Variants in CDH13 observed in about 807,000 individuals in gnomAD.
CDH13 encodes the protein cadherin-13.
A neutral mutation model predicts 63.8 loss-of-function variants in CDH13; 24 were observed. The ratio of observed to expected loss-of-function variants is 0.38; its 90% CI spans 0.27 to 0.53. CDH13 has a LOEUF of 0.53. Among genes scored for constraint, CDH13 ranks in the 20% least tolerant of loss-of-function variants. The pLI, the probability that CDH13 is intolerant of heterozygous loss-of-function variation, is 0.85. For synonymous variants in CDH13, 503 were observed against 355.3 expected (o/e 1.42, Z -4.67); for missense variants, 1,049 against 903.1 (o/e 1.16, Z -2.07).
intron 2 of CDH13, among the ~76,000 whole-genome samples, chr16:83,009,083 C>A (rs894054032): frequency 6.6e-6 from 1 of 152,204 alleles, no homozygotes; most frequent in African/African-American, 2.4e-5. Flanking sequence ...CGGGTCCTTT[C>A]TACCCCATGT....
chr16:83,084,935 C>T (rs554363334), intron 3 of CDH13, among the ~76,000 whole-genome samples: 62 of 152,262 alleles, frequency 4.1e-4, no homozygotes, highest in African/African-American at 1.1e-3. Context: ...TCTTGCCTAA[C>T]GAGAAGTCTC....
chr16:83,397,404 A>G (rs1219434092), intron 6 of CDH13: 1 of 152,192 alleles, frequency 6.6e-6, no homozygotes, highest in East Asian at 1.9e-4. Flanking sequence ...ATTTGAGAAA[A>G]TACTAGAAAG....
At chr16:82,954,565 T>C (rs531718650) in intron 2 of CDH13, 4 of 152,270 alleles carry the variant, frequency 2.6e-5, no homozygotes, top group Admixed American at 6.5e-5. Flanking sequence ...AGGCTACCAA[T>C]GTCCAATAAT....
chr16:83,603,111 C>A (rs929742044), intron 8 of CDH13, among the ~76,000 whole-genome samples: 10 of 152,170 alleles, frequency 6.6e-5, no homozygotes, highest in Non-Finnish European at 1.2e-4. Context: ...GATTATGGAT[C>A]ATGGTTGTTG....
In CDH13 at chr16:83,678,342, G is replaced by C; in HGVS notation, c.1419G>C (p.Glu473Asp). 2 of 1,614,000 alleles carry C rather than the reference G, an allele frequency of 1.2e-6. No individual in the cohort carries two copies. Among genetic ancestry groups the C allele is most frequent in the Non-Finnish European group, 1.7e-6 (2 of 1,179,894 alleles). Residue 473 changes from glutamate to aspartate, a missense_variant, in exon 10 of 14, where the codon GAG becomes GAC. Glu to Asp is a conservative substitution (Grantham distance 45). Coordinates refer to ENST00000567109, the MANE Select transcript of CDH13 (RefSeq NM_001257.5). ...ACATCACTGTCCTGGATGTCAACGA[G>C]GGCCCAGTCTTCTACCCAGACCCCA... ...TVHITVLDVN[E>D]GPVFYPDPMM...
At chr16:83,356,150 A>T (rs1215884981) in intron 6 of CDH13, among the ~76,000 whole-genome samples, 1 of 151,870 alleles carries the variant, frequency 6.6e-6, no homozygotes, top group Non-Finnish European at 1.5e-5. Context: ...GTAATTCCAA[A>T]GTTGCTACCT....
chr16:83,192,233 G>C (rs186647824), intron 4 of CDH13, among the ~76,000 whole-genome samples: 2 of 152,136 alleles, frequency 1.3e-5, no homozygotes, highest in African/African-American at 4.8e-5. Flanking sequence ...AATGGTGGCC[G>C]CTTCTGTAAA....
intron 5 of CDH13, among the ~76,000 whole-genome samples, chr16:83,275,158 A>T (rs1413713826): frequency 1.3e-5 from 2 of 152,238 alleles, no homozygotes; most frequent in Non-Finnish European, 2.9e-5. Flanking sequence ...GTTTGAATTA[A>T]TGCCAAGTTT....
chr16:83,055,432 A>G (rs1037442671), intron 3 of CDH13, among the ~76,000 whole-genome samples: 3 of 151,954 alleles, frequency 2.0e-5, no homozygotes, highest in African/African-American at 7.2e-5. Flanking sequence ...TGGAGACAGC[A>G]CTAGAGATCT....
Position 82,988,939 on chromosome 16 carries a change from A to G in CDH13, c.158-43071A>G, listed in dbSNP as rs568611232. Among the ~76,000 whole-genome samples, 298 of 152,218 alleles carry G rather than the reference A, an allele frequency of 2.0e-3. 1 individual carries two copies. Among genetic ancestry groups the G allele is most frequent in the Middle Eastern group, 0.017 (5 of 294 alleles). ...AGACTCTACGTTCCTTGAAGACTCC[A>G]TTGTCTCATTTCTTTTTATATCTCC... is the stretch of plus-strand genomic sequence containing the variant. On this transcript the variant is annotated intron_variant, in intron 2 of 13. Transcript: ENST00000567109.
At chr16:83,762,458 C>T (rs1914053971) in intron 11 of CDH13, among the ~76,000 whole-genome samples, 1 of 152,116 alleles carries the variant, frequency 6.6e-6, no homozygotes, top group African/African-American at 2.4e-5. Context: ...AATGGAATCC[C>T]TTTGGGGATG....
intron 5 of CDH13, among the ~76,000 whole-genome samples, chr16:83,309,988 G>A (rs967572610): frequency 6.6e-6 from 1 of 152,182 alleles, no homozygotes; most frequent in African/African-American, 2.4e-5. Context: ...CTTCAGATGA[G>A]TGGGTACAAA....
At chr16:82,775,062 A>G (rs1487304342) in intron 1 of CDH13, among the ~76,000 whole-genome samples, 2 of 152,222 alleles carry the variant, frequency 1.3e-5, no homozygotes, top group African/African-American at 4.8e-5. Context: ...AGGAGAGTAG[A>G]ATAGGGTATG....
chr16:83,430,988 C>A (rs1189899890), intron 6 of CDH13, among the ~76,000 whole-genome samples: 2 of 137,746 alleles, frequency 1.5e-5, no homozygotes, highest in African/African-American at 2.7e-5. Context: ...TCACAACAGT[C>A]CCCAAAGTGT....
chr16:83,197,254 T>C (rs1418314417), intron 4 of CDH13, among the ~76,000 whole-genome samples: 1 of 148,404 alleles, frequency 6.7e-6, no homozygotes, highest in East Asian at 1.9e-4. Flanking sequence ...TTTTTAATGT[T>C]TGTGGGTGTA....
intron 7 of CDH13, among the ~76,000 whole-genome samples, chr16:83,488,396 G>C (rs2073941340): frequency 6.6e-6 from 1 of 152,198 alleles, no homozygotes; most frequent in Admixed American, 6.5e-5. Context: ...AGGAAAAAGA[G>C]TTGGAAATAA....
At chr16:83,533,252 T>C (rs1188613137) in intron 7 of CDH13, among the ~76,000 whole-genome samples, 1 of 152,148 alleles carries the variant, frequency 6.6e-6, no homozygotes, top group Non-Finnish European at 1.5e-5. Context: ...CACTTTTCAT[T>C]GGTGTGTATT....
intron 5 of CDH13, among the ~76,000 whole-genome samples, chr16:83,332,907 T>A (rs1473449375): frequency 6.6e-6 from 1 of 152,230 alleles, no homozygotes; most frequent in African/African-American, 2.4e-5. Context: ...TCATTATGTT[T>A]GATGAAACAA....
intron 5 of CDH13, among the ~76,000 whole-genome samples, chr16:83,234,463 G>T (rs573525204): frequency 6.6e-6 from 1 of 152,150 alleles, no homozygotes; most frequent in African/African-American, 2.4e-5. Context: ...TGATAACGCA[G>T]GGTCAGTAGG....
Sources: allele counts gnomAD v4.1 joint callset (sites outside exome capture counted in the v4.1 genomes callset), GRCh38; gene constraint gnomAD v4.1.1; transcripts MANE v1.5; gene names NCBI Gene and HGNC (gene_info 2026-07-23, HGNC 2026-07-21).